The following MTUS2 variants were observed in gnomAD, a reference collection of about 807,000 sequenced individuals.
MTUS2 encodes microtubule associated scaffold protein 2, also known as microtubule-associated tumor suppressor candidate 2.
A neutral mutation model predicts 114.1 loss-of-function variants in MTUS2; 40 were observed. That is an observed-to-expected ratio of 0.35 (90% CI 0.27 to 0.46). The LOEUF (loss-of-function observed/expected upper bound fraction) is 0.46. Among genes scored for constraint, MTUS2 ranks in the 20% least tolerant of loss-of-function variants. MTUS2 has a pLI of 1.00. For synonymous variants in MTUS2, 688 were observed against 672.0 expected (o/e 1.02, Z -0.37); for missense variants, 1,679 against 1,705.4 (o/e 0.98, Z 0.27).
intron 8 of MTUS2, among the ~76,000 whole-genome samples, chr13:29,383,215 T>TGA (rs1593377228): frequency 1.5e-5 from 2 of 132,176 alleles, no homozygotes; most frequent in East Asian, 2.1e-4. Flanking sequence ...ATAGGAAAAT[T>TGA]GAGTGTGTGT....
chr13:29,490,823 C>G (rs746145282), intron 11 of MTUS2, among the ~76,000 whole-genome samples: 13 of 152,380 alleles, frequency 8.5e-5, no homozygotes, highest in Admixed American at 3.3e-4. Context: ...ATGGCTGCTT[C>G]GCAGTGGGAA....
At chr13:28,927,920 A>G (rs1258252557) in intron 2 of MTUS2, among the ~76,000 whole-genome samples, 1 of 152,190 alleles carries the variant, frequency 6.6e-6, no homozygotes, top group Non-Finnish European at 1.5e-5. Flanking sequence ...AAACAGACAC[A>G]TAGACCAATG....
chr13:29,227,352 GC>G (rs1419704703), intron 5 of MTUS2, among the ~76,000 whole-genome samples: 1 of 151,636 alleles, frequency 6.6e-6, no homozygotes, highest in Non-Finnish European at 1.5e-5. Flanking sequence ...AGAGAGGTTT[GC>G]CCCTCTTTGG....
At chr13:29,094,365 T>C (rs1323626452) in intron 4 of MTUS2, among the ~76,000 whole-genome samples, 1 of 151,964 alleles carries the variant, frequency 6.6e-6, no homozygotes, top group East Asian at 1.9e-4. Context: ...TATTTCTAAT[T>C]CAATCTCTCT....
chr13:29,035,355 C>T (rs1233798985), intron 4 of MTUS2, among the ~76,000 whole-genome samples: 1 of 152,162 alleles, frequency 6.6e-6, no homozygotes, highest in East Asian at 1.9e-4. Context: ...GGGGGATCAC[C>T]TGCCAGAGGC....
At chr13:28,911,340 T>C (rs1167132133) in intron 2 of MTUS2, among the ~76,000 whole-genome samples, 1 of 151,722 alleles carries the variant, frequency 6.6e-6, no homozygotes, top group African/African-American at 2.4e-5. Flanking sequence ...CATGCCCAGC[T>C]AATTTTTTGT....
At chr13:28,973,000 A>G (rs993231045) in intron 2 of MTUS2, among the ~76,000 whole-genome samples, 8 of 152,140 alleles carry the variant, frequency 5.3e-5, no homozygotes, top group Non-Finnish European at 4.4e-5. Flanking sequence ...TTATATATGT[A>G]TATATCAAAA....
At chr13:28,973,670 A>G (rs1883958394) in intron 2 of MTUS2, among the ~76,000 whole-genome samples, 1 of 152,234 alleles carries the variant, frequency 6.6e-6, no homozygotes, top group Admixed American at 6.5e-5. Context: ...GCTAAGAATA[A>G]GTCAGTTCTA....
chr13:29,045,944 A>T (rs1469930311), intron 4 of MTUS2, among the ~76,000 whole-genome samples: 3 of 151,894 alleles, frequency 2.0e-5, no homozygotes, highest in Non-Finnish European at 4.4e-5. Context: ...CCCCTGACAC[A>T]TTTTTTTATA....
intron 2 of MTUS2, among the ~76,000 whole-genome samples, chr13:28,916,337 G>A (rs1258817031): frequency 2.0e-5 from 3 of 151,898 alleles, no homozygotes; most frequent in Non-Finnish European, 2.9e-5. Flanking sequence ...TGTGAAAAAT[G>A]TCGTTGGTAT....
Position 29,383,215 on chromosome 13 carries a change from TGA to T in MTUS2, c.3117+23744_3117+23745del, listed in dbSNP as rs1593377228. Among the ~76,000 whole-genome samples the T allele has an allele frequency of 1.3e-4, 17 of 132,242 alleles. 1 individual carries two copies. The highest frequency in any genetic ancestry group is 7.5e-4 in the Admixed American group (10 of 13,362). The allele number at this position is 132,242 out of a possible 152,430, so 86.8% of individuals were successfully genotyped here. ...ACACAAGTTTAAATGATAGGAAAAT[TGA>T]GTGTGTGTGTGTGTGTGTGTGTGTG... On this transcript the variant is annotated intron_variant, in intron 8 of 15. Coordinates refer to ENST00000612955, the MANE Select transcript of MTUS2 (RefSeq NM_001033602.4).
At chr13:29,021,050 T>G (rs1319031547) in intron 2 of MTUS2, among the ~76,000 whole-genome samples, 1 of 152,214 alleles carries the variant, frequency 6.6e-6, no homozygotes, top group African/African-American at 2.4e-5. Context: ...GAGGATCACT[T>G]GAGGCCAGGA....
At chr13:29,356,743 C>T (rs1026445777) in intron 7 of MTUS2, among the ~76,000 whole-genome samples, 1 of 152,224 alleles carries the variant, frequency 6.6e-6, no homozygotes, top group African/African-American at 2.4e-5. Flanking sequence ...TGGCAGGACC[C>T]TTTTCAACTT....
chr13:28,841,512 A>T (rs1241802247), intron 2 of MTUS2, among the ~76,000 whole-genome samples: 1 of 152,148 alleles, frequency 6.6e-6, no homozygotes. Flanking sequence ...ACACATGAGA[A>T]GGAAGAGATG....
Position 29,024,899 on chromosome 13 carries a change from G to T in MTUS2, c.201G>T (p.Glu67Asp). The T allele has an allele frequency of 6.2e-7, 1 of 1,613,892 alleles. No homozygotes were observed. Among genetic ancestry groups the T allele is most frequent in the East Asian group, 2.2e-5 (1 of 44,868 alleles). ...GDEIGNTNSSEPENRTHFHKE... is the reference protein window; with the variant it reads ...GDEIGNTNSSDPENRTHFHKE... ...AAATTGGAAATACAAATTCAAGTGA[G>T]CCAGAAAACCGTACCCATTTCCATA... The change falls in exon 3 of 16, where the codon GAG (glutamate) becomes GAT (aspartate). Residue 67 changes from glutamate (E) to aspartate (D), a missense_variant. Glu to Asp is a conservative substitution (Grantham distance 45). Around this residue, in one of 3 missense-constraint regions of MTUS2, gnomAD observed 843 missense variants for 770.8 expected, o/e 1.09. Transcript: ENST00000612955.
rs577273569 is a variant in MTUS2 at position 29,121,027 on chromosome 13, A to G, written c.2644+20057A>G. Among the ~76,000 whole-genome samples the G allele has an allele frequency of 5.3e-5, 8 of 152,368 alleles. No homozygotes were observed. The South Asian group carries it at 1.5e-3, about 28-fold the overall frequency. On this transcript the variant is annotated intron_variant, in intron 5 of 15. Transcript: ENST00000612955. ...CTAACAAAGTGTAAGAGCATTTGAA[A>G]TTTTGCCATCTTCCTGAATTTCTCA...
chr13:29,066,764 T>C (rs908254074), intron 4 of MTUS2, among the ~76,000 whole-genome samples: 2 of 152,170 alleles, frequency 1.3e-5, no homozygotes, highest in Admixed American at 6.5e-5. Context: ...ACTTAATGGG[T>C]ATATAAAGAG....
chr13:29,388,762 T>C lies in MTUS2; in HGVS notation c.3117+29289T>C, dbSNP rs903576841. Among the ~76,000 whole-genome samples the C allele has an allele frequency of 9.2e-5, 14 of 152,096 alleles. 1 individual carries two copies. The highest frequency in any genetic ancestry group is 3.4e-3 in the Middle Eastern group (1 of 294). On this transcript the variant is annotated intron_variant, in intron 8 of 15. Coordinates refer to ENST00000612955, the MANE Select transcript of MTUS2 (RefSeq NM_001033602.4). ...GTTGGGCTAAAAAATTAGAGAAATA[T>C]CTTAAGGCTCGTGTTCTGTCAGTGA...
At chr13:29,225,399 A>G (rs1207241193) in intron 5 of MTUS2, among the ~76,000 whole-genome samples, 4 of 152,212 alleles carry the variant, frequency 2.6e-5, no homozygotes, top group Non-Finnish European at 5.9e-5. Context: ...AAAGTTACGC[A>G]GTGTTATTGT....
Sources: gnomAD v4.1 joint callset for allele counts (sites outside exome capture counted in the v4.1 genomes callset) on GRCh38, gnomAD v4.1.1 for gene constraint, gnomAD v4.1.1 regional missense constraint, MANE v1.5 for transcripts, NCBI Gene and HGNC (gene_info 2026-07-23, HGNC 2026-07-21) for gene names.